RFTN1: variants seen among roughly 807,000 people sequenced by gnomAD.
RFTN1 encodes the protein raftlin.
A neutral mutation model predicts 46.5 loss-of-function variants in RFTN1; 26 were observed. The ratio of observed to expected loss-of-function variants is 0.56; its 90% CI spans 0.41 to 0.78. The LOEUF (loss-of-function observed/expected upper bound fraction) is 0.78, where lower values mean the gene tolerates loss of function less well. Among genes scored for constraint, RFTN1 ranks in the 30% least tolerant of loss-of-function variants. The probability of loss-of-function intolerance (pLI) is 0.00; values close to 1 mark genes in which losing one functional copy is unlikely to be tolerated. For missense variants in RFTN1, 693 were observed against 718.7 expected (o/e 0.96, Z 0.41); for synonymous variants, 261 against 284.2 (o/e 0.92, Z 0.82).
At position 16,402,700 on chromosome 3, in the gene RFTN1, A is replaced by G. The variant is rs1166007812; in HGVS notation, c.441+6675T>C. On this transcript the variant is annotated intron_variant, in intron 4 of 9. Coordinates refer to ENST00000334133, the MANE Select transcript of RFTN1 (RefSeq NM_015150.2). This position sits in a 1 kb window ranked among gnomAD's most constrained non-coding sequence, Gnocchi z 4.5. ...AGATTTGGGATATTCTGTTTCATTAAAAGAAGCCATTGAGATTTTTCCATC... is the reference window on the plus strand; with the variant it reads ...AGATTTGGGATATTCTGTTTCATTAGAAGAAGCCATTGAGATTTTTCCATC... Among the ~76,000 whole-genome samples the G allele has an allele frequency of 6.6e-6, 1 of 152,204 alleles. No homozygotes were observed. The highest frequency in any genetic ancestry group is 1.5e-5 in the Non-Finnish European group (1 of 68,040).
At chr3:16,432,642 G>A (rs1219328093) in intron 3 of RFTN1, among the ~76,000 whole-genome samples, 1 of 151,960 alleles carries the variant, frequency 6.6e-6, no homozygotes, top group Non-Finnish European at 1.5e-5. Flanking sequence ...TTCAAGATCA[G>A]CCTAGGCAAC....
At chr3:16,476,757 T>G (rs181252669) in intron 2 of RFTN1, among the ~76,000 whole-genome samples, 2 of 152,306 alleles carry the variant, frequency 1.3e-5, no homozygotes, top group Admixed American at 1.3e-4. Flanking sequence ...TGGGGGAAAC[T>G]GTTTGTTTAC....
intron 2 of RFTN1, among the ~76,000 whole-genome samples, chr3:16,463,341 C>T (rs1297106164): frequency 6.6e-6 from 1 of 152,138 alleles, no homozygotes; most frequent in Non-Finnish European, 1.5e-5. Flanking sequence ...CCCCACTTGT[C>T]TCTTATGCTT....
In RFTN1 at chr3:16,414,858, C is replaced by T. The variant is rs539548294; in HGVS notation, c.333-5375G>A. Among the ~76,000 whole-genome samples the T allele has an allele frequency of 1.5e-4, 23 of 152,196 alleles. 1 individual carries two copies. The South Asian group carries it at 3.5e-3, about 23-fold the overall frequency. On this transcript the variant is annotated intron_variant, in intron 3 of 9. Transcript: ENST00000334133. ...AGGGCATGCAAAGAAGCCCTGTGGCCGGGGCTCAGTGCAGAGGGGTGCAGG... is the reference window on the plus strand; with the variant it reads ...AGGGCATGCAAAGAAGCCCTGTGGCTGGGGCTCAGTGCAGAGGGGTGCAGG...
At chr3:16,461,349 C>G (rs2124928494) in intron 2 of RFTN1, among the ~76,000 whole-genome samples, 1 of 152,256 alleles carries the variant, frequency 6.6e-6, no homozygotes, top group South Asian at 2.1e-4. Context: ...TAAAACTCTT[C>G]CGTGAATAAT....
rs2075019535 is a variant in RFTN1 at position 16,413,850 on chromosome 3, A to G, written c.333-4367T>C. Reference sequence around the variant, plus strand: ...ACCGGTGTTAGAGCTAACTAGAGGCAGGTAATACACCAGCTGTGAGCCTTT... The same window carrying G: ...ACCGGTGTTAGAGCTAACTAGAGGCGGGTAATACACCAGCTGTGAGCCTTT... On this transcript the variant is annotated intron_variant, in intron 3 of 9. Coordinates refer to ENST00000334133, the MANE Select transcript of RFTN1 (RefSeq NM_015150.2). This position sits in a 1 kb window ranked among gnomAD's most constrained non-coding sequence, Gnocchi z 4.7. Among the ~76,000 whole-genome samples the G allele has an allele frequency of 6.6e-6, 1 of 152,242 alleles. No individual in the cohort carries two copies. Among genetic ancestry groups the G allele is most frequent in the Non-Finnish European group, 1.5e-5 (1 of 68,042 alleles).
chr3:16,472,981 C>A (rs1387535517), intron 2 of RFTN1, among the ~76,000 whole-genome samples: 1 of 152,170 alleles, frequency 6.6e-6, no homozygotes, highest in Non-Finnish European at 1.5e-5. Flanking sequence ...TGCACAGAGT[C>A]AGACAGGTAG....
rs919538514 is a variant in RFTN1 at position 16,337,673 on chromosome 3, C to T, written c.1147-10797G>A. Among the ~76,000 whole-genome samples the T allele has an allele frequency of 2.7e-5, 4 of 146,998 alleles. No homozygotes were observed. Among genetic ancestry groups the T allele is most frequent in the African/African-American group, 5.1e-5 (2 of 39,344 alleles). On this transcript the variant is annotated intron_variant, in intron 7 of 9. Coordinates refer to ENST00000334133, the MANE Select transcript of RFTN1 (RefSeq NM_015150.2). This position sits in a 1 kb window ranked among gnomAD's most constrained non-coding sequence, Gnocchi z 5.0. ...AGGAGAATCGCTTGAACCCAGGAGG[C>T]GGAGGTTGCAGTGAGCCCAGATTGC...
At position 16,331,619 on chromosome 3, in the gene RFTN1, G is replaced by A. The variant is rs149608486; in HGVS notation, c.1147-4743C>T. Among the ~76,000 whole-genome samples, 529 of 152,148 alleles carry A rather than the reference G, an allele frequency of 3.5e-3. 3 individuals carry two copies. Among genetic ancestry groups the A allele is most frequent in the Middle Eastern group, 6.8e-3 (2 of 292 alleles). ...GCAATACCCCTATTTAATGCTCATC[G>A]ATAAATATTCCAAGATCCTAAATAC... On this transcript the variant is annotated intron_variant, in intron 7 of 9. Transcript: ENST00000334133.
At chr3:16,397,790 CTCTCTT>C (rs1403310649) in intron 4 of RFTN1, among the ~76,000 whole-genome samples, 1 of 106,978 alleles carries the variant, frequency 9.3e-6, no homozygotes, top group Non-Finnish European at 2.3e-5. Flanking sequence ...CCCTCTCTCT[CTCTCTT>C]TCTTTTTTCT....
Position 16,316,376 on chromosome 3 carries a change from T to G in RFTN1, c.*452A>C. 5.2e-6 allele frequency: 1 copy of G among 191,912 alleles called. No individual in the cohort carries two copies. Among genetic ancestry groups the G allele is most frequent in the Non-Finnish European group, 1.1e-5 (1 of 94,944 alleles). The allele number at this position is 191,912 out of a possible 1,614,324, so 11.9% of individuals were successfully genotyped here. On this transcript the variant is annotated 3_prime_UTR_variant, in exon 10 of 10. Coordinates refer to ENST00000334133, the MANE Select transcript of RFTN1 (RefSeq NM_015150.2). The surrounding 1 kb of genome is among the most constrained non-coding windows in gnomAD (Gnocchi z 4.5). ...AGGGCAGCTGACAGGGCTCCTGGAG[T>G]TGTTAAGTCACCAAGTAGCTGCAGG...
chr3:16,343,958 A>G (rs2071477011), intron 7 of RFTN1, among the ~76,000 whole-genome samples: 1 of 152,200 alleles, frequency 6.6e-6, no homozygotes. Context: ...CAACTGCCTC[A>G]AAAGTGAAGA....
intron 4 of RFTN1, among the ~76,000 whole-genome samples, chr3:16,389,087 C>T (rs1322733749): frequency 2.0e-5 from 3 of 152,198 alleles, no homozygotes; most frequent in Non-Finnish European, 4.4e-5. Context: ...ATCCAGTATT[C>T]GTGACCTTTT....
At chr3:16,436,358 ATTTT>A (rs61519479) in intron 2 of RFTN1, among the ~76,000 whole-genome samples, 7 of 125,150 alleles carry the variant, frequency 5.6e-5, no homozygotes, top group Admixed American at 1.6e-4. Context: ...GAAAAAAAAA[ATTTT>A]TTTTTTTTTT....
rs1037374726 is a variant in RFTN1, at chr3:16,429,585, C to T, written c.332+4266G>A. On this transcript the variant is annotated intron_variant, in intron 3 of 9. Coordinates refer to ENST00000334133, the MANE Select transcript of RFTN1 (RefSeq NM_015150.2). This position sits in a 1 kb window ranked among gnomAD's most constrained non-coding sequence, Gnocchi z 6.4. Reference sequence around the variant, plus strand: ...CTGCAAGTGCTTGGAAGGCAGGCTCCACATTCAACTGAGCCTGGCATTTGC... The same window carrying T: ...CTGCAAGTGCTTGGAAGGCAGGCTCTACATTCAACTGAGCCTGGCATTTGC... 1.3e-5 allele frequency among the ~76,000 whole-genome samples: 2 copies of T among 152,192 alleles called. No individual in the cohort carries two copies. Among genetic ancestry groups the T allele is most frequent in the Admixed American group, 1.3e-4 (2 of 15,282 alleles).
Position 16,346,736 on chromosome 3 carries a change from G to A in RFTN1, c.1146+11196C>T, listed in dbSNP as rs1056112169. ...TGCTAATAAAAAGGGACGTGTGGCA[G>A]GAAAAAACTGCCCCGTTCTTCACGG... On this transcript the variant is annotated intron_variant, in intron 7 of 9. Coordinates refer to ENST00000334133, the MANE Select transcript of RFTN1 (RefSeq NM_015150.2). The surrounding 1 kb of genome is among the most constrained non-coding windows in gnomAD (Gnocchi z 4.4). Among the ~76,000 whole-genome samples, 12 of 152,134 alleles carry A rather than the reference G, an allele frequency of 7.9e-5. No homozygotes were observed. The highest frequency in any genetic ancestry group is 4.6e-4 in the Admixed American group (7 of 15,276).
In RFTN1 at chr3:16,465,832, T is replaced by G. The variant is rs1018054882; in HGVS notation, c.145+27893A>C. On this transcript the variant is annotated intron_variant, in intron 2 of 9. Coordinates refer to ENST00000334133, the MANE Select transcript of RFTN1 (RefSeq NM_015150.2). This position sits in a 1 kb window ranked among gnomAD's most constrained non-coding sequence, Gnocchi z 5.1. ...GAGGACTTGAGCGGGAAAAGCAAGA[T>G]GTAAGGTAGAGAAAGACTAATTCAT... Among the ~76,000 whole-genome samples, 1 of 152,082 alleles carries G rather than the reference T, an allele frequency of 6.6e-6. No homozygotes were observed. Among genetic ancestry groups the G allele is most frequent in the African/African-American group, 2.4e-5 (1 of 41,402 alleles).
chr3:16,496,959 T>TG (rs1220856679), intron 1 of RFTN1, among the ~76,000 whole-genome samples: 1 of 151,676 alleles, frequency 6.6e-6, no homozygotes, highest in Admixed American at 6.6e-5. Context: ...GGAGTGGGGG[T>TG]GGGGGCAGCC....
rs1247571205 is a variant in RFTN1 at position 16,479,559 on chromosome 3, G to T, written c.145+14166C>A. Among the ~76,000 whole-genome samples the T allele has an allele frequency of 6.6e-6, 1 of 152,218 alleles. No homozygotes were observed. Among genetic ancestry groups the T allele is most frequent in the Non-Finnish European group, 1.5e-5 (1 of 68,040 alleles). ...GCCTGGGCTATTAGAAACAGCATCA[G>T]TAACTTTTCTTTCACACACTTCATC... On this transcript the variant is annotated intron_variant, in intron 2 of 9. Transcript: ENST00000334133. This position sits in a 1 kb window ranked among gnomAD's most constrained non-coding sequence, Gnocchi z 5.1.
Sources: allele counts gnomAD v4.1 joint callset (sites outside exome capture counted in the v4.1 genomes callset), GRCh38; gene constraint gnomAD v4.1.1; non-coding constraint Gnocchi (gnomAD v3.1); transcripts MANE v1.5; gene names NCBI Gene and HGNC (gene_info 2026-07-23, HGNC 2026-07-21).